The following NPM1 variants were observed in gnomAD, a reference collection of about 807,000 sequenced individuals.
NPM1 encodes nucleophosmin.
NPM1 carries 1 observed loss-of-function variant against 44.1 expected under a neutral mutation model. The ratio of observed to expected loss-of-function variants is 0.02; its 90% CI spans 0.01 to 0.11. The LOEUF is 0.11. NPM1 is among the 10% of genes least tolerant of loss of function. The pLI, the probability that NPM1 is intolerant of heterozygous loss-of-function variation, is 1.00. For synonymous variants in NPM1, 126 were observed against 111.8 expected (o/e 1.13, Z -0.80); for missense variants, 197 against 347.8 (o/e 0.57, Z 3.45).
chr5:171,395,327 C>CAG (rs1770825883), intron 6 of NPM1, among the ~76,000 whole-genome samples: 1 of 150,606 alleles, frequency 6.6e-6, no homozygotes, highest in Admixed American at 6.6e-5. Flanking sequence ...TTCGGCAAGT[C>CAG]TCGCTCTTGT....
At chr5:171,402,231 A>G (rs552492225) in intron 8 of NPM1, among the ~76,000 whole-genome samples, 61 of 150,670 alleles carry the variant, frequency 4.0e-4, no homozygotes, top group African/African-American at 1.4e-3. Flanking sequence ...AAAGACATAC[A>G]AGTGGCCAAA....
chr5:171,397,356 A>T (rs536603378), intron 6 of NPM1, among the ~76,000 whole-genome samples: 1 of 152,154 alleles, frequency 6.6e-6, no homozygotes, highest in Non-Finnish European at 1.5e-5. Flanking sequence ...TTTTACTTGG[A>T]TGTACACCTA....
intron 8 of NPM1, among the ~76,000 whole-genome samples, chr5:171,402,050 T>C (rs1771229269): frequency 7.3e-6 from 1 of 137,854 alleles, no homozygotes; most frequent in African/African-American, 2.7e-5. Context: ...ATTTTCTGAT[T>C]TCCTTTTTTT....
At chr5:171,398,833 G>C (rs1423051366) in intron 6 of NPM1, among the ~76,000 whole-genome samples, 2 of 152,164 alleles carry the variant, frequency 1.3e-5, no homozygotes, top group Non-Finnish European at 2.9e-5. Flanking sequence ...TAACATGTAA[G>C]AACAGTACAA....
intron 9 of NPM1, chr5:171,406,300 C>T (rs1187050182): frequency 4.7e-6 from 5 of 1,060,240 alleles, no homozygotes; most frequent in Non-Finnish European, 7.3e-6. Context: ...CTGGTTATCA[C>T]TGATTTTTGT....
intron 6 of NPM1, 136 bp from the exon 7 acceptor site, chr5:171,400,017 T>C (rs966893573): frequency 1.6e-6 from 1 of 629,916 alleles, no homozygotes. Context: ...CTTGGGTTGC[T>C]TTCACCTCTT....
At position 171,391,429 on chromosome 5, in the gene NPM1, G is replaced by A. The variant is rs76607971; in HGVS notation, c.258+5G>A. On this transcript the variant is annotated splice_donor_5th_base_variant and intron_variant, in intron 3 of 10. Coordinates refer to ENST00000296930, the MANE Select transcript of NPM1 (RefSeq NM_002520.7). ...AAAATGTCTGTACAGCCAACGGTAA[G>A]GGCACTTACATACTTTGGATGTTGT... 131 of 1,606,032 alleles carry A rather than the reference G, an allele frequency of 8.2e-5. No homozygotes were observed. The East Asian group carries it at 2.9e-3, about 35-fold the overall frequency.
intron 10 of NPM1, among the ~76,000 whole-genome samples, chr5:171,408,145 ATC>A (rs1347438585): frequency 1.6e-5 from 2 of 126,818 alleles, no homozygotes; most frequent in Non-Finnish European, 3.3e-5. Context: ...GTTGGTAGAG[ATC>A]TTTTTTTTTT....
chr5:171,407,342 G>A (rs1010006066), intron 9 of NPM1, among the ~76,000 whole-genome samples: 1 of 152,178 alleles, frequency 6.6e-6, no homozygotes, highest in African/African-American at 2.4e-5. Flanking sequence ...TTCTCCAAAG[G>A]GATGTTATGG....
At chr5:171,404,203 C>T (rs1377508607) in intron 8 of NPM1, among the ~76,000 whole-genome samples, 1 of 104,742 alleles carries the variant, frequency 9.5e-6, no homozygotes, top group African/African-American at 3.8e-5. Flanking sequence ...CACCTCCCTC[C>T]CAGATAGGGC....
chr5:171,390,616 A>T (rs887169631), intron 2 of NPM1, among the ~76,000 whole-genome samples: 10 of 152,172 alleles, frequency 6.6e-5, no homozygotes, highest in African/African-American at 9.7e-5. Flanking sequence ...CTTGTTTTTT[A>T]AAAAAATCAC....
intron 10 of NPM1, among the ~76,000 whole-genome samples, chr5:171,408,933 G>A (rs1483639523): frequency 6.6e-6 from 1 of 152,142 alleles, no homozygotes; most frequent in African/African-American, 2.4e-5. Flanking sequence ...ACAAAGGCTT[G>A]TAGCTACAAA....
chr5:171,388,248 C>T (rs2113144166), intron 1 of NPM1, among the ~76,000 whole-genome samples: 1 of 152,186 alleles, frequency 6.6e-6, no homozygotes, highest in East Asian at 1.9e-4. Flanking sequence ...GTGAGCGGTC[C>T]GAGGCCCGGG....
chr5:171,399,512 T>C (rs759698517), intron 6 of NPM1, among the ~76,000 whole-genome samples: 1 of 151,170 alleles, frequency 6.6e-6, no homozygotes, highest in Non-Finnish European at 1.5e-5. Flanking sequence ...GTTAGGATTA[T>C]AGGTGTGAGA....
chr5:171,408,813 C>T (rs1468771887), intron 10 of NPM1, among the ~76,000 whole-genome samples: 1 of 152,142 alleles, frequency 6.6e-6, no homozygotes, highest in Admixed American at 6.5e-5. Context: ...ACATAAATAA[C>T]CAGCATGTAC....
intron 9 of NPM1, 166 bp downstream of exon 9, chr5:171,405,569 C>G (rs376545246): frequency 3.2e-6 from 2 of 621,070 alleles, no homozygotes; most frequent in East Asian, 2.9e-5. Context: ...CATTTATAAT[C>G]GTGTCTGTGG....
chr5:171,395,463 C>T (rs1770832005), intron 6 of NPM1, among the ~76,000 whole-genome samples: 1 of 152,040 alleles, frequency 6.6e-6, no homozygotes, highest in African/African-American at 2.4e-5. Context: ...CCACGCCTGG[C>T]TAAGTTTTGT....
intron 6 of NPM1, among the ~76,000 whole-genome samples, chr5:171,396,954 CAA>C (rs940290776): frequency 2.6e-5 from 4 of 152,028 alleles, no homozygotes; most frequent in African/African-American, 9.7e-5. Context: ...GATTGGGCAA[CAA>C]GAGTAAAACT....
At position 171,406,464 on chromosome 5, in the gene NPM1, G is replaced by A. The variant is rs1362651036; in HGVS notation, c.771+1061G>A. On this transcript the variant is annotated intron_variant, in intron 9 of 10. Coordinates refer to ENST00000296930, the MANE Select transcript of NPM1 (RefSeq NM_002520.7). ...AAGATGGGGAGAAAGGAAAAGGAGA[G>A]ACAAATATAGTCCATACTGAGTGTC... 2.5e-6 allele frequency: 4 copies of A among 1,609,444 alleles called. No homozygotes were observed. In the East Asian group the frequency reaches 6.7e-5, roughly 27 times the overall value.
Sources: allele counts gnomAD v4.1 joint callset (sites outside exome capture counted in the v4.1 genomes callset), GRCh38; gene constraint gnomAD v4.1.1; transcripts MANE v1.5; gene names NCBI Gene and HGNC (gene_info 2026-07-23, HGNC 2026-07-21).